The following KAZN variants were observed in gnomAD, a reference collection of about 807,000 sequenced individuals.
KAZN encodes the protein kazrin, periplakin interacting protein.
A neutral mutation model predicts 87.4 loss-of-function variants in KAZN; 40 were observed. The observed-to-expected ratio is 0.46, with a 90% CI of 0.36 to 0.60. The LOEUF is 0.60. KAZN is among the 20% of genes least tolerant of loss of function. KAZN has a pLI of 0.00. For missense variants in KAZN, 898 were observed against 1,073.9 expected, an observed-to-expected ratio of 0.84 and a Z score of 2.29; for synonymous variants, 466 against 458.3, an observed-to-expected ratio of 1.02 and a Z score of -0.22.
intron 12 of KAZN, 85 bp from the exon 13 acceptor site, chr1:15,103,938 G>C (rs1641200786): frequency 4.3e-6 from 6 of 1,383,742 alleles, no homozygotes; most frequent in African/African-American, 1.4e-5. Flanking sequence ...TGCTGTTGGG[G>C]ACAGAGCCCC....
intron 2 of KAZN, among the ~76,000 whole-genome samples, chr1:14,230,003 A>G (rs190857529): frequency 2.2e-4 from 34 of 152,362 alleles, no homozygotes; most frequent in African/African-American, 8.2e-4. Flanking sequence ...TTCCACAGTG[A>G]TGGAAATAGT....
At chr1:14,824,377 T>G (rs1413763186) in intron 1 of KAZN, among the ~76,000 whole-genome samples, 3 of 152,180 alleles carry the variant, frequency 2.0e-5, no homozygotes. Context: ...TCAATAAAAG[T>G]GCATTGACTA....
chr1:14,209,925 G>A (rs924642099), intron 2 of KAZN, among the ~76,000 whole-genome samples: 1 of 152,134 alleles, frequency 6.6e-6, no homozygotes, highest in African/African-American at 2.4e-5. Context: ...GCCTGGAACT[G>A]TGAATGACTG....
At position 14,465,661 on chromosome 1, in the gene KAZN, T is replaced by C. The variant is rs149867720; in HGVS notation, c.250-133322T>C. ...TGCCACATTCTGTTGGCCAAACAAG[T>C]CACTGAGGCCAGTCTTGTCAAGGGG... On this transcript the variant is annotated intron_variant, in intron 2 of 16. Transcript: ENST00000636203. Among the ~76,000 whole-genome samples, 406 of 152,206 alleles carry C rather than the reference T, an allele frequency of 2.7e-3. 3 individuals are homozygous for C. Among genetic ancestry groups the C allele is most frequent in the African/African-American group, 9.6e-3 (398 of 41,526 alleles).
At chr1:14,780,457 G>A (rs1645297954) in intron 1 of KAZN, among the ~76,000 whole-genome samples, 1 of 152,164 alleles carries the variant, frequency 6.6e-6, no homozygotes, top group Non-Finnish European at 1.5e-5. Context: ...GAATGGATGA[G>A]CCATGTCCTC....
At chr1:14,655,689 G>T (rs79175301) in intron 1 of KAZN, among the ~76,000 whole-genome samples, 5,744 of 152,276 alleles carry the variant, frequency 0.038, 143 homozygotes, top group Middle Eastern at 0.071. Flanking sequence ...GGTGGCTGTG[G>T]TACAGAGCTG....
intron 2 of KAZN, among the ~76,000 whole-genome samples, chr1:14,367,243 A>C (rs1208702888): frequency 6.6e-6 from 1 of 152,038 alleles, no homozygotes; most frequent in Non-Finnish European, 1.5e-5. Context: ...AAAAAGAAAA[A>C]GGCTCTCAGC....
At chr1:14,146,008 G>A (rs1434197173) in intron 1 of KAZN, among the ~76,000 whole-genome samples, 6 of 151,928 alleles carry the variant, frequency 3.9e-5, no homozygotes, top group Non-Finnish European at 7.4e-5. Context: ...TTCTCAAACT[G>A]TCATATCACT....
intron 2 of KAZN, among the ~76,000 whole-genome samples, chr1:15,031,919 T>G (rs1240755959): frequency 2.0e-5 from 3 of 152,118 alleles, no homozygotes; most frequent in Non-Finnish European, 4.4e-5. Flanking sequence ...TATTTTGTTT[T>G]GCTTTCTTAA....
Position 14,786,882 on chromosome 1 carries a change from G to A in KAZN, c.227-173802G>A, listed in dbSNP as rs115051589. On this transcript the variant is annotated intron_variant, in intron 1 of 14. Coordinates refer to ENST00000376030, the MANE Select transcript of KAZN (RefSeq NM_201628.3). ...GGTGAATCTTCTAGTAAACAGTGAA[G>A]GGCCATTAGAAGAAATGTGGTGAAA... is the stretch of plus-strand genomic sequence containing the variant. Among the ~76,000 whole-genome samples, 1,457 of 152,274 alleles carry A rather than the reference G, an allele frequency of 9.6e-3. 23 individuals are homozygous for A. The highest frequency in any genetic ancestry group is 0.032 in the African/African-American group (1,310 of 41,554).
Position 15,099,621 on chromosome 1 carries a change from A to G in KAZN, c.1548-1922A>G, listed in dbSNP as rs1640959958. Among the ~76,000 whole-genome samples, 1 of 152,066 alleles carries G rather than the reference A, an allele frequency of 6.6e-6. No homozygotes were observed. The highest frequency in any genetic ancestry group is 6.5e-5 in the Admixed American group (1 of 15,278). On this transcript the variant is annotated intron_variant, in intron 10 of 14. Transcript: ENST00000376030. The surrounding 1 kb of genome is among the most constrained non-coding windows in gnomAD (Gnocchi z 5.4). ...AGCCCCATGTGCGTTGGGGGAGGGG[A>G]AGTCAGCCAGGGCCAGTGCAGGTGA... is the stretch of plus-strand genomic sequence containing the variant.
intron 7 of KAZN, 138 bp from the exon 8 acceptor site, chr1:15,065,492 C>A: frequency 2.7e-6 from 2 of 744,416 alleles, no homozygotes; most frequent in Admixed American, 2.5e-5. Context: ...GCCATCCCAG[C>A]CCGTCCCTGA....
chr1:14,781,693 C>T (rs72868476), intron 1 of KAZN, among the ~76,000 whole-genome samples: 26,869 of 152,040 alleles, frequency 0.18, 2,800 homozygotes, highest in East Asian at 0.52. Flanking sequence ...ATCAAGAGGC[C>T]GGGGGCAGTG....
intron 2 of KAZN, among the ~76,000 whole-genome samples, chr1:14,200,639 G>T (rs979876668): frequency 6.6e-6 from 1 of 152,076 alleles, no homozygotes; most frequent in Admixed American, 6.5e-5. Context: ...GTGTAATATG[G>T]CATGTGCTTT....
intron 10 of KAZN, among the ~76,000 whole-genome samples, chr1:15,095,562 T>C (rs2100688081): frequency 6.6e-6 from 1 of 152,136 alleles, no homozygotes; most frequent in East Asian, 1.9e-4. Flanking sequence ...CAAAATTTGT[T>C]GAGCAGGGGC....
At chr1:14,349,092 G>C (rs900267735) in intron 2 of KAZN, 1 of 152,206 alleles carries the variant, frequency 6.6e-6, no homozygotes, top group African/African-American at 2.4e-5. Flanking sequence ...CATTGTTCTT[G>C]GGGAGACAAG....
At chr1:13,908,613 CT>C (rs1639533055) in intron 1 of KAZN, among the ~76,000 whole-genome samples, 1 of 152,196 alleles carries the variant, frequency 6.6e-6, no homozygotes, top group African/African-American at 2.4e-5. Context: ...CCAGCAGAGA[CT>C]TTATAGCTTT....
At chr1:14,587,159 G>A (rs188513674) in intron 2 of KAZN, among the ~76,000 whole-genome samples, 6 of 152,302 alleles carry the variant, frequency 3.9e-5, no homozygotes, top group African/African-American at 1.4e-4. Flanking sequence ...AAAGGGGCCA[G>A]GCGCGGTGGC....
chr1:14,054,698 AAGG>A (rs1323662457), intron 1 of KAZN, among the ~76,000 whole-genome samples: 1 of 152,210 alleles, frequency 6.6e-6, no homozygotes, highest in South Asian at 2.1e-4. Context: ...TCATTCGAGG[AAGG>A]AGAAGAGTCT....
Sources: gnomAD v4.1 joint callset for allele counts (sites outside exome capture counted in the v4.1 genomes callset) on GRCh38, gnomAD v4.1.1 for gene constraint, Gnocchi (gnomAD v3.1) non-coding constraint, MANE v1.5 for transcripts, NCBI Gene and HGNC (gene_info 2026-07-23, HGNC 2026-07-21) for gene names.